KCNU1: variants seen among roughly 807,000 people sequenced by gnomAD.
KCNU1 encodes the protein potassium calcium-activated channel subfamily U member 1, also known as potassium channel subfamily U member 1.
A neutral mutation model predicts 126.8 loss-of-function variants in KCNU1; 93 were observed. That is an observed-to-expected ratio of 0.73 (90% CI 0.62 to 0.87). The LOEUF (loss-of-function observed/expected upper bound fraction) is 0.87. KCNU1 is among the 40% of genes least tolerant of loss of function. The pLI is 0.00. For missense variants in KCNU1, 1,330 were observed against 1,367.1 expected (o/e 0.97, Z 0.43); for synonymous variants, 523 against 494.2 (o/e 1.06, Z -0.77).
At chr8:36,807,071 C>T (rs1007202755) in intron 5 of KCNU1, among the ~76,000 whole-genome samples, 4 of 152,156 alleles carry the variant, frequency 2.6e-5, no homozygotes, top group African/African-American at 9.7e-5. Flanking sequence ...CATGCTTCTA[C>T]ATGCTTGATA....
At chr8:36,802,976 A>T (rs1803366767) in intron 2 of KCNU1, among the ~76,000 whole-genome samples, 1 of 152,122 alleles carries the variant, frequency 6.6e-6, no homozygotes, top group Non-Finnish European at 1.5e-5. Context: ...CAATGGGACC[A>T]CCCATGAAAG....
intron 16 of KCNU1, among the ~76,000 whole-genome samples, chr8:36,842,416 G>A (rs1352948727): frequency 6.6e-6 from 1 of 152,154 alleles, no homozygotes; most frequent in Non-Finnish European, 1.5e-5. Context: ...AGAATAACAA[G>A]TAGTATTGTC....
At chr8:36,805,344 GAACT>G (rs1421219327) in intron 4 of KCNU1, 59 bp downstream of exon 4, 5 of 1,003,686 alleles carry the variant, frequency 5.0e-6, no homozygotes, top group Admixed American at 2.0e-5. Context: ...AACATACAGA[GAACT>G]AACTGTGTCT....
chr8:36,916,103 A>G (rs1267743258), intron 22 of KCNU1, among the ~76,000 whole-genome samples: 5 of 149,012 alleles, frequency 3.4e-5, no homozygotes, highest in Non-Finnish European at 7.4e-5. Context: ...AGAAGAAGGG[A>G]AGGAAGGAAG....
chr8:36,876,642 T>TCTC (rs1404146305), intron 19 of KCNU1, among the ~76,000 whole-genome samples: 1 of 152,086 alleles, frequency 6.6e-6, no homozygotes, highest in Non-Finnish European at 1.5e-5. Context: ...TGCCTCAAGT[T>TCTC]CTCCTCCTCC....
chr8:36,931,028 T>C lies in KCNU1; in HGVS notation c.2814T>C (p.His938=), dbSNP rs761411692. ...TGGVSSQLEQ[H]LDKDKVYGVA... is the part of the protein sequence containing the mutation. ...GAGTAAGTTCTCAGCTGGAACAACA[T>C]TTAGATAAGGATAAAGTCTATGGTG... Residue 938 remains histidine (H), a synonymous_variant, in exon 25 of 27, where the codon CAT becomes CAC. Coordinates refer to ENST00000399881, the MANE Select transcript of KCNU1 (RefSeq NM_001031836.3). 5 of 1,611,458 alleles carry C rather than the reference T, an allele frequency of 3.1e-6. No homozygotes were observed. In the South Asian group the frequency reaches 5.5e-5, roughly 18 times the overall value.
At chr8:36,924,839 A>G (rs1585574467) in intron 24 of KCNU1, among the ~76,000 whole-genome samples, 1 of 152,194 alleles carries the variant, frequency 6.6e-6, no homozygotes, top group East Asian at 1.9e-4. Context: ...AGGCAGCTTC[A>G]TGCCTTAAAT....
Position 36,805,289 on chromosome 8 carries a change from A to T in KCNU1, c.468+4A>T, listed in dbSNP as rs780770184. 1 of 1,553,018 alleles carries T rather than the reference A, an allele frequency of 6.4e-7. No individual in the cohort carries two copies. The highest frequency in any genetic ancestry group is 8.8e-7 in the Non-Finnish European group (1 of 1,132,566). On this transcript the variant is annotated splice_donor_region_variant and intron_variant, in intron 4 of 26. Coordinates refer to ENST00000399881, the MANE Select transcript of KCNU1 (RefSeq NM_001031836.3). ...TAGTTTCTATTTTGGATTGAGGGTA[A>T]GTACCTATTGAAAGTGGGAGTGAAT...
chr8:36,928,171 AAATT>A (rs1808590404), intron 24 of KCNU1, among the ~76,000 whole-genome samples: 1 of 152,150 alleles, frequency 6.6e-6, no homozygotes. Flanking sequence ...TCTCAATATA[AAATT>A]ATAATCCTTT....
At chr8:36,930,832 T>C in intron 24 of KCNU1, 119 bp from the exon 25 acceptor site, 1 of 638,490 alleles carries the variant, frequency 1.6e-6, no homozygotes, top group Non-Finnish European at 2.6e-6. Context: ...AGAAACACTG[T>C]TCTACACCAT....
At chr8:36,853,783 G>A (rs569809269) in intron 18 of KCNU1, among the ~76,000 whole-genome samples, 14 of 152,074 alleles carry the variant, frequency 9.2e-5, no homozygotes, top group South Asian at 2.1e-4. Flanking sequence ...TTATAGGGTC[G>A]GTTAAGTATA....
chr8:36,929,179 T>G (rs553691842), intron 24 of KCNU1: 68 of 525,946 alleles, frequency 1.3e-4, no homozygotes, highest in Non-Finnish European at 2.2e-4. Flanking sequence ...GTCAGGAGTT[T>G]GAGATCAGCA....
chr8:36,905,699 C>A lies in KCNU1; in HGVS notation c.2010-9C>A. On this transcript the variant is annotated splice_polypyrimidine_tract_variant and intron_variant, in intron 19 of 26. Coordinates refer to ENST00000399881, the MANE Select transcript of KCNU1 (RefSeq NM_001031836.3). Reference sequence around the variant, plus strand: ...AGTCTCAAACTAACTCTCCATTCTTCCTATTTAGGACTCTTCAACATGATG... The same window carrying A: ...AGTCTCAAACTAACTCTCCATTCTTACTATTTAGGACTCTTCAACATGATG... 2 of 1,460,816 alleles carry A rather than the reference C, an allele frequency of 1.4e-6. No homozygotes were observed. The highest frequency in any genetic ancestry group is 1.9e-6 in the Non-Finnish European group (2 of 1,040,258). 90.5% of individuals were successfully genotyped at this position (1,460,816 alleles called of 1,614,324 possible). A position where few individuals can be genotyped will look rare whatever the true frequency, so the allele number is the denominator to read the frequency against.
In KCNU1 at chr8:36,807,450, G is replaced by A. The variant is rs1803545393; in HGVS notation, c.656G>A (p.Ser219Asn). Reference protein sequence around the residue: ...ILQILRAIKTSNSVKFSKLLS... With the variant: ...ILQILRAIKTNNSVKFSKLLS... ...CAAATTCTACGAGCCATCAAGACCA[G>A]GTAAATAGCCCTGACCGAAGTACTG... Residue 219 changes from serine to asparagine, a missense_variant and splice_region_variant, in exon 6 of 27, where the codon AGT (serine) becomes AAT (asparagine). By Grantham distance (46) the Ser-to-Asn change is conservative. Around this residue, in one of 3 missense-constraint regions of KCNU1, gnomAD observed 247 missense variants for 255.4 expected, o/e 0.97. Coordinates refer to ENST00000399881, the MANE Select transcript of KCNU1 (RefSeq NM_001031836.3). The A allele has an allele frequency of 6.2e-7, 1 of 1,608,796 alleles. No individual in the cohort carries two copies.
At chr8:36,817,499 CAAAAAAA>C (rs375306964) in intron 9 of KCNU1, 144 bp from the exon 10 acceptor site, 967 of 234,356 alleles carry the variant, frequency 4.1e-3, no homozygotes, top group Admixed American at 5.3e-3. Context: ...AACTCCATCT[CAAAAAAA>C]AAAAAAAAAA....
rs1336460130 is a variant in KCNU1 at position 36,840,457 on chromosome 8, T to C, written c.1519-6T>C. On this transcript the variant is annotated splice_region_variant and splice_polypyrimidine_tract_variant and intron_variant, in intron 14 of 26. Coordinates refer to ENST00000399881, the MANE Select transcript of KCNU1 (RefSeq NM_001031836.3). ...TTGCTTCGTGTGGCATGATTATGTA[T>C]TCCAGGTTATGCCTAAACAGACCTG... 3 of 1,448,980 alleles carry C rather than the reference T, an allele frequency of 2.1e-6. No individual in the cohort carries two copies. The highest frequency in any genetic ancestry group is 2.3e-5 in the South Asian group (2 of 86,078). The allele number at this position is 1,448,980 out of a possible 1,614,324, so 89.8% of individuals were successfully genotyped here.
intron 19 of KCNU1, among the ~76,000 whole-genome samples, chr8:36,890,523 G>T (rs1330525352): frequency 1.3e-5 from 2 of 151,888 alleles, no homozygotes; most frequent in Non-Finnish European, 2.9e-5. Context: ...GTGTTGTGTT[G>T]TGCTACAAAA....
chr8:36,882,803 G>A (rs530517755), intron 19 of KCNU1, among the ~76,000 whole-genome samples: 3 of 152,018 alleles, frequency 2.0e-5, no homozygotes, highest in Non-Finnish European at 2.9e-5. Flanking sequence ...GGCTGGTCTC[G>A]AACTCCTGAC....
chr8:36,886,299 T>C (rs1335907275), intron 19 of KCNU1, among the ~76,000 whole-genome samples: 1 of 152,204 alleles, frequency 6.6e-6, no homozygotes. Flanking sequence ...TCAGTTCTTA[T>C]TATCCAATAT....
Sources: gnomAD v4.1 joint callset for allele counts (sites outside exome capture counted in the v4.1 genomes callset) on GRCh38, gnomAD v4.1.1 for gene constraint, gnomAD v4.1.1 regional missense constraint, MANE v1.5 for transcripts, NCBI Gene and HGNC (gene_info 2026-07-23, HGNC 2026-07-21) for gene names.